OR52N5: variants seen among roughly 807,000 people sequenced by gnomAD.
OR52N5 encodes the protein olfactory receptor family 52 subfamily N member 5, also known as olfactory receptor 52N5.
Under a neutral mutation model 14.1 loss-of-function variants are expected in OR52N5, and 10 were observed. The observed-to-expected ratio is 0.71, with a 90% CI of 0.44 to 1.20. OR52N5 has a LOEUF of 1.20. Ranked by LOEUF, OR52N5 falls within the 50% of genes most tolerant of loss-of-function variation. The pLI, the probability that OR52N5 is intolerant of heterozygous loss-of-function variation, is 0.00. For missense variants in OR52N5, 361 were observed against 403.2 expected, an observed-to-expected ratio of 0.90 and a Z score of 0.90; for synonymous variants, 116 against 143.0, an observed-to-expected ratio of 0.81 and a Z score of 1.35.
Position 5,778,407 on chromosome 11 carries a change from G to A in OR52N5, c.228C>T (p.Ser76=). Residue 76 remains serine, a synonymous_variant, in exon 3 of 3, where the codon TCC becomes TCT. Transcript: ENST00000641181. ...PMYFFFGHAL[S]LIDLLTCTTT... is the part of the protein sequence containing the mutation. ...TGGTGCAGGTAAGGAGGTCAATGAGGGAGAGAGCATGGCCAAAAAAAAAAT... is the reference window on the plus strand; with the variant it reads ...TGGTGCAGGTAAGGAGGTCAATGAGAGAGAGAGCATGGCCAAAAAAAAAAT... The A allele has an allele frequency of 2.0e-6, 3 of 1,519,192 alleles. No individual in the cohort carries two copies. The highest frequency in any genetic ancestry group is 1.8e-6 in the Non-Finnish European group (2 of 1,113,808). 94.1% of individuals were successfully genotyped at this position (1,519,192 alleles called of 1,614,324 possible).
intron 2 of OR52N5, 58 bp from the exon 3 acceptor site, chr11:5,778,715 T>A: frequency 1.0e-6 from 1 of 957,246 alleles, no homozygotes; most frequent in Admixed American, 2.8e-5. Flanking sequence ...AAATACAAAT[T>A]CAAATTTAGA....
intron 2 of OR52N5, among the ~76,000 whole-genome samples, chr11:5,780,212 C>A (rs1319305513): frequency 7.2e-6 from 1 of 139,732 alleles, no homozygotes; most frequent in African/African-American, 2.6e-5. Context: ...TAGGTCTTAT[C>A]TTTTCTTTCC....
rs551274068 is a variant in OR52N5 at position 5,780,039 on chromosome 11, T to C, written c.-23-1382A>G. On this transcript the variant is annotated intron_variant, in intron 2 of 2. Transcript: ENST00000641181. ...CGTAAAGACCACCTAGCCACATCCA[T>C]TTATTTCTTGGCATTGCCTCTTTAG... Among the ~76,000 whole-genome samples the C allele has an allele frequency of 9.3e-5, 13 of 140,336 alleles. 1 individual carries two copies. Among genetic ancestry groups the C allele is most frequent in the African/African-American group, 3.4e-4 (13 of 38,468 alleles). 92.1% of individuals were successfully genotyped at this position (140,336 alleles called of 152,430 possible). A position where few individuals can be genotyped will look rare whatever the true frequency, so the allele number is the denominator to read the frequency against.
chr11:5,781,634 T>C lies in OR52N5; in HGVS notation c.-125A>G, dbSNP rs1371596986. On this transcript the variant is annotated 5_prime_UTR_variant, in exon 2 of 3. Coordinates refer to ENST00000641181, the MANE Select transcript of OR52N5 (RefSeq NM_001385662.1). ...ATTACCTGATGTAGATGTCCACGCCTCCAGTATCTGGTGAAGGGTGGAGTG... is the reference window on the plus strand; with the variant it reads ...ATTACCTGATGTAGATGTCCACGCCCCCAGTATCTGGTGAAGGGTGGAGTG... 1.4e-5 allele frequency: 2 copies of C among 140,436 alleles called. 1 individual carries two copies. Among genetic ancestry groups the C allele is most frequent in the Non-Finnish European group, 3.2e-5 (2 of 63,456 alleles). The allele number at this position is 140,436 out of a possible 1,614,324, so 8.7% of individuals were successfully genotyped here. A position where few individuals can be genotyped will look rare whatever the true frequency, so the allele number is the denominator to read the frequency against.
Position 5,777,863 on chromosome 11 carries a change from T to A in OR52N5, c.772A>T (p.Ile258Phe), listed in dbSNP as rs1250731479. 1 of 1,519,860 alleles carries A rather than the reference T, an allele frequency of 6.6e-7. No individual in the cohort carries two copies. The highest frequency in any genetic ancestry group is 9.0e-7 in the Non-Finnish European group (1 of 1,113,556). 94.1% of individuals were successfully genotyped at this position (1,519,860 alleles called of 1,614,324 possible). A position where few individuals can be genotyped will look rare whatever the true frequency, so the allele number is the denominator to read the frequency against. ...AAGAATGCTGGAACATAGGTGATGA[T>A]GATGGCAGATATATGGGCAGTGCAG... ...STCTAHISAI[I>F]ITYVPAFFTF... Residue 258 changes from isoleucine (I) to phenylalanine (F), a missense_variant, in exon 3 of 3, where the codon ATC (isoleucine) becomes TTC (phenylalanine). Coordinates refer to ENST00000641181, the MANE Select transcript of OR52N5 (RefSeq NM_001385662.1).
rs1391845526 is a variant in OR52N5, at chr11:5,776,858, T to C, written c.*802A>G. ...AACATGGGAGTGCAGGTATCTGGTA[T>C]CTCTTCAACATATTGTTTTTCTTTT... On this transcript the variant is annotated 3_prime_UTR_variant, in exon 3 of 3. Transcript: ENST00000641181. 2.1e-5 allele frequency: 3 copies of C among 140,228 alleles called. 1 individual carries two copies. In the Admixed American group the frequency reaches 2.2e-4, roughly 10 times the overall value. 8.7% of individuals were successfully genotyped at this position (140,228 alleles called of 1,614,324 possible).
chr11:5,778,755 A>G (rs1854525160), intron 2 of OR52N5, 98 bp from the exon 3 acceptor site: 2 of 620,422 alleles, frequency 3.2e-6, no homozygotes, highest in Admixed American at 3.3e-5. Context: ...GGCACCAACA[A>G]TTATACATAA....
At chr11:5,783,142 A>G (rs1033722620) in intron 1 of OR52N5, among the ~76,000 whole-genome samples, 153 bp downstream of exon 1, 2 of 139,296 alleles carry the variant, frequency 1.4e-5, no homozygotes, top group South Asian at 4.8e-4. Flanking sequence ...TTGAATGTGG[A>G]ATGAACATAC....
Position 5,780,020 on chromosome 11 carries a change from G to A in OR52N5, c.-23-1363C>T, listed in dbSNP as rs996590651. ...TTTCTAACACCACTTTCAGCGTAAA[G>A]ACCACCTAGCCACATCCATTTATTT... On this transcript the variant is annotated intron_variant, in intron 2 of 2. Coordinates refer to ENST00000641181, the MANE Select transcript of OR52N5 (RefSeq NM_001385662.1). Among the ~76,000 whole-genome samples, 53 of 139,398 alleles carry A rather than the reference G, an allele frequency of 3.8e-4. 11 individuals carry two copies. Among genetic ancestry groups the A allele is most frequent in the African/African-American group, 1.4e-3 (53 of 38,120 alleles). 91.5% of individuals were successfully genotyped at this position (139,398 alleles called of 152,430 possible).
chr11:5,778,361 A>G lies in OR52N5; in HGVS notation c.274T>C (p.Cys92Arg), dbSNP rs770224916. ...TCTTTGAGACTGAACCAGAAGATGC[A>G]GAGTGCATTGGGTAGAGTGGTGGTG... ...TCTTTLPNALCIFWFSLKEIN... is the reference protein window; with the variant it reads ...TCTTTLPNALRIFWFSLKEIN... Residue 92 changes from cysteine to arginine, a missense_variant, in exon 3 of 3, where the codon TGC becomes CGC. Transcript: ENST00000641181. 1 of 1,520,628 alleles carries G rather than the reference A, an allele frequency of 6.6e-7. No homozygotes were observed. The highest frequency in any genetic ancestry group is 1.8e-5 in the Admixed American group (1 of 55,502). 94.2% of individuals were successfully genotyped at this position (1,520,628 alleles called of 1,614,324 possible).
chr11:5,779,354 A>G lies in OR52N5; in HGVS notation c.-23-697T>C, dbSNP rs1188632593. On this transcript the variant is annotated intron_variant, in intron 2 of 2. Transcript: ENST00000641181. ...ATGCAGGTATAGATTCAAAATGGAT[A>G]TAAAATACAGGACTAATGACCATAA... Among the ~76,000 whole-genome samples, 2 of 139,932 alleles carry G rather than the reference A, an allele frequency of 1.4e-5. 1 individual carries two copies. The highest frequency in any genetic ancestry group is 3.2e-5 in the Non-Finnish European group (2 of 63,196). 91.8% of individuals were successfully genotyped at this position (139,932 alleles called of 152,430 possible).
Position 5,780,417 on chromosome 11 carries a change from T to C in OR52N5, c.-24+1116A>G, listed in dbSNP as rs940897519. Among the ~76,000 whole-genome samples, 11 of 139,594 alleles carry C rather than the reference T, an allele frequency of 7.9e-5. 3 individuals are homozygous for C. The highest frequency in any genetic ancestry group is 2.9e-4 in the African/African-American group (11 of 38,186). 91.6% of individuals were successfully genotyped at this position (139,594 alleles called of 152,430 possible). On this transcript the variant is annotated intron_variant, in intron 2 of 2. Coordinates refer to ENST00000641181, the MANE Select transcript of OR52N5 (RefSeq NM_001385662.1). The stretch of plus-strand genomic sequence containing the variant: ...AATATCTCTGCAAAGTAAAGAATAT[T>C]ATAGCTGAAGTAAATTAGAGACTAG...
Position 5,778,459 on chromosome 11 carries a change from TAATA to T in OR52N5, c.172_175del (p.Tyr58MetfsTer71). The T allele has an allele frequency of 1.3e-6, 2 of 1,516,206 alleles. No homozygotes were observed. Among genetic ancestry groups the T allele is most frequent in the Non-Finnish European group, 1.8e-6 (2 of 1,110,766 alleles). The allele number at this position is 1,516,206 out of a possible 1,614,324, so 93.9% of individuals were successfully genotyped here. A position where few individuals can be genotyped will look rare whatever the true frequency, so the allele number is the denominator to read the frequency against. ...CATCGGATGATGTAAGGACTCCTCA[TAATA>T]AATGAGGTACACAAGACCAAGATTC... On this transcript the variant is annotated frameshift_variant, in exon 3 of 3. Coordinates refer to ENST00000641181, the MANE Select transcript of OR52N5 (RefSeq NM_001385662.1). LOFTEE classifies it high-confidence loss of function.
In OR52N5 at chr11:5,777,679, C is replaced by A; in HGVS notation, c.956G>T (p.Gly319Val). Reference sequence around the variant, plus strand: ...CTTGAATCAACCTGCACCCTTATCACCCTGGAAGAACTTTATGACACTCTT... The same window carrying A: ...CTTGAATCAACCTGCACCCTTATCAACCTGGAAGAACTTTATGACACTCTT... ...IRKSVIKFFQ[G>V]DKGAG The change falls in exon 3 of 3, where the codon GGT becomes GTT. Residue 319 changes from glycine to valine, a missense_variant. Gly to Val is a moderately radical substitution (Grantham distance 109). Transcript: ENST00000641181. The A allele has an allele frequency of 1.3e-6, 2 of 1,485,316 alleles. 1 individual carries two copies. Among genetic ancestry groups the A allele is most frequent in the Non-Finnish European group, 1.8e-6 (2 of 1,096,340 alleles). The allele number at this position is 1,485,316 out of a possible 1,614,324, so 92.0% of individuals were successfully genotyped here.
At chr11:5,779,206 C>T (rs11039010) in intron 2 of OR52N5, among the ~76,000 whole-genome samples, 18,597 of 139,530 alleles carry the variant, frequency 0.13, 4,274 homozygotes, top group East Asian at 0.31. Flanking sequence ...CTCTCCAAGC[C>T]TCAGTTGCTC....
intron 2 of OR52N5, among the ~76,000 whole-genome samples, chr11:5,781,195 T>G (rs1854546942): frequency 7.1e-6 from 1 of 140,188 alleles, no homozygotes; most frequent in South Asian, 2.3e-4. Context: ...GTGATTTATT[T>G]TCTCATTTGT....
In OR52N5 at chr11:5,781,240, T is replaced by C. The variant is rs147267051; in HGVS notation, c.-24+293A>G. On this transcript the variant is annotated intron_variant, in intron 2 of 2. Transcript: ENST00000641181. ...TATTTGTTTTCCTATTTCTTTGTTT[T>C]CCCTGTAGCAAGATGAGGCTTCATG... Among the ~76,000 whole-genome samples, 4 of 140,496 alleles carry C rather than the reference T, an allele frequency of 2.8e-5. 1 individual carries two copies. In the East Asian group the frequency reaches 6.2e-4, roughly 22 times the overall value. 92.2% of individuals were successfully genotyped at this position (140,496 alleles called of 152,430 possible).
chr11:5,781,056 G>C (rs1217027254), intron 2 of OR52N5, among the ~76,000 whole-genome samples: 2 of 139,916 alleles, frequency 1.4e-5, no homozygotes, highest in African/African-American at 5.2e-5. Context: ...GCTTAATCAA[G>C]GCTATTAGTG....
Position 5,783,058 on chromosome 11 carries a change from A to C in OR52N5, c.-248+237T>G, listed in dbSNP as rs1301674401. Among the ~76,000 whole-genome samples, 2 of 139,450 alleles carry C rather than the reference A, an allele frequency of 1.4e-5. 1 individual carries two copies. Among genetic ancestry groups the C allele is most frequent in the Non-Finnish European group, 3.2e-5 (2 of 63,072 alleles). 91.5% of individuals were successfully genotyped at this position (139,450 alleles called of 152,430 possible). ...ACGAGAGGAGTTCCTTAAATTCTAA[A>C]GGAGATTTTGAGGGCATCTAACCTG... On this transcript the variant is annotated intron_variant, in intron 1 of 2. Transcript: ENST00000641181.
Sources: allele counts gnomAD v4.1 joint callset (sites outside exome capture counted in the v4.1 genomes callset), GRCh38; gene constraint gnomAD v4.1.1; transcripts MANE v1.5; gene names NCBI Gene and HGNC (gene_info 2026-07-23, HGNC 2026-07-21).